The following MEIS2 variants were observed in gnomAD, a reference collection of about 807,000 sequenced individuals.
MEIS2 encodes Meis homeobox 2, also known as homeobox protein Meis2.
In MEIS2, 9 loss-of-function variants were observed where a neutral mutation model predicts 58.6. The ratio of observed to expected loss-of-function variants is 0.15; its 90% confidence interval spans 0.09 to 0.27. MEIS2 has a LOEUF of 0.27. Ranked by LOEUF, MEIS2 falls within the 10% of genes least tolerant of loss-of-function variation. The pLI is 1.00. For missense variants in MEIS2, 427 were observed against 635.0 expected (o/e 0.67, Z 3.52); for synonymous variants, 221 against 228.4 (o/e 0.97, Z 0.29).
intron 9 of MEIS2, among the ~76,000 whole-genome samples, chr15:36,928,217 G>T (rs1349627598): frequency 6.6e-6 from 1 of 152,162 alleles, no homozygotes; most frequent in African/African-American, 2.4e-5. Flanking sequence ...TGTGCTATCT[G>T]TTAAATAATG....
chr15:37,055,354 T>G (rs897135564), intron 7 of MEIS2, among the ~76,000 whole-genome samples: 1 of 152,200 alleles, frequency 6.6e-6, no homozygotes, highest in Non-Finnish European at 1.5e-5. Flanking sequence ...GCCTGGCACA[T>G]CATAGGCACT....
At chr15:36,985,521 G>A (rs2060066602) in intron 8 of MEIS2, among the ~76,000 whole-genome samples, 1 of 152,066 alleles carries the variant, frequency 6.6e-6, no homozygotes, top group African/African-American at 2.4e-5. Context: ...GCATCCTCAG[G>A]TGTGTTATTT....
Position 37,100,530 on chromosome 15 carries a change from C to G in MEIS2, c.-1064G>C, listed in dbSNP as rs909719849. 9.5e-5 allele frequency: 13 copies of G among 136,610 alleles called. No homozygotes were observed. The highest frequency in any genetic ancestry group is 3.4e-4 in the African/African-American group (12 of 35,634). The allele number at this position is 136,610 out of a possible 1,614,324, so 8.5% of individuals were successfully genotyped here. On this transcript the variant is annotated 5_prime_UTR_variant, in exon 1 of 12. Coordinates refer to ENST00000561208, the MANE Select transcript of MEIS2 (RefSeq NM_170675.5). ...CGAGGAGGAGCGCGCCGCGCCGAGC[C>G]TCTGATATGCAACGAGTGCGATCGG...
At chr15:37,063,353 A>G (rs778545928) in intron 7 of MEIS2, among the ~76,000 whole-genome samples, 3 of 152,176 alleles carry the variant, frequency 2.0e-5, no homozygotes, top group Non-Finnish European at 2.9e-5. Context: ...ACATCATTTG[A>G]CAACTTTTCT....
At chr15:36,963,235 C>G (rs972947117) in intron 8 of MEIS2, among the ~76,000 whole-genome samples, 1 of 152,104 alleles carries the variant, frequency 6.6e-6, no homozygotes, top group Non-Finnish European at 1.5e-5. Context: ...AAAAATTTAG[C>G]CGGGCATGGT....
intron 8 of MEIS2, among the ~76,000 whole-genome samples, chr15:36,988,732 T>A (rs1448110358): frequency 3.9e-5 from 6 of 152,210 alleles, no homozygotes; most frequent in Non-Finnish European, 8.8e-5. Context: ...AAGATAACTC[T>A]TTTCTGTCTC....
At chr15:36,999,693 C>G (rs1376574440) in intron 8 of MEIS2, among the ~76,000 whole-genome samples, 1 of 152,204 alleles carries the variant, frequency 6.6e-6, no homozygotes, top group African/African-American at 2.4e-5. Flanking sequence ...CAAACACCTA[C>G]AGAATTTGCT....
intron 9 of MEIS2, among the ~76,000 whole-genome samples, chr15:36,944,801 G>A (rs1309892975): frequency 6.6e-6 from 1 of 152,020 alleles, no homozygotes; most frequent in Non-Finnish European, 1.5e-5. Flanking sequence ...AGCAGAGAGA[G>A]GATATTTAGT....
intron 11 of MEIS2, among the ~76,000 whole-genome samples, 163 bp from the exon 12 acceptor site, chr15:36,892,622 T>G (rs1255464973): frequency 6.6e-6 from 1 of 151,828 alleles, no homozygotes; most frequent in Non-Finnish European, 1.5e-5. Flanking sequence ...ACATTCAAAT[T>G]GTAGTTTGCA....
intron 7 of MEIS2, among the ~76,000 whole-genome samples, chr15:37,053,461 A>G (rs934030925): frequency 6.6e-6 from 1 of 152,024 alleles, no homozygotes; most frequent in Non-Finnish European, 1.5e-5. Context: ...ACTATTCCTA[A>G]CAGAGGGTCT....
In MEIS2 at chr15:37,099,728, C is replaced by T. The variant is rs1159587225; in HGVS notation, c.-262G>A. On this transcript the variant is annotated 5_prime_UTR_variant, in exon 1 of 12. Transcript: ENST00000561208. ...TGATCTTCCTCCTCCTCCTCCACCT[C>T]CTCCTCCTCCCCCCTCCCCTCCTCC... 6 of 421,276 alleles carry T rather than the reference C, an allele frequency of 1.4e-5. No individual in the cohort carries two copies. The Admixed American group carries it at 2.5e-4, about 18-fold the overall frequency. 26.1% of individuals were successfully genotyped at this position (421,276 alleles called of 1,614,324 possible).
chr15:37,085,166 C>T (rs190671177), intron 6 of MEIS2, among the ~76,000 whole-genome samples: 2 of 151,724 alleles, frequency 1.3e-5, no homozygotes, highest in Non-Finnish European at 2.9e-5. Flanking sequence ...ACTAAAAAAA[C>T]CAATCAAAAT....
chr15:37,041,932 T>A (rs186200302), intron 7 of MEIS2, among the ~76,000 whole-genome samples: 2 of 152,232 alleles, frequency 1.3e-5, no homozygotes, highest in African/African-American at 4.8e-5. Flanking sequence ...ATCCCAGCAC[T>A]TTGAGAGGCC....
chr15:37,088,014 A>T (rs776630006), intron 6 of MEIS2, among the ~76,000 whole-genome samples: 1 of 152,184 alleles, frequency 6.6e-6, no homozygotes, highest in Non-Finnish European at 1.5e-5. Context: ...TTAGATCCCA[A>T]ATGAAAAGGC....
In MEIS2 at chr15:37,083,825, C is replaced by T; in HGVS notation, c.700G>A (p.Gly234Arg). 3 of 1,614,056 alleles carry T rather than the reference C, an allele frequency of 1.9e-6. No individual in the cohort carries two copies. The highest frequency in any genetic ancestry group is 2.5e-6 in the Non-Finnish European group (3 of 1,179,970). The change falls in exon 7 of 12, where the codon GGG becomes AGG. Residue 234 changes from glycine (G) to arginine (R), a missense_variant. This residue lies in a region of MEIS2 where 138 missense variants were observed against 263.0 expected (regional missense o/e 0.52). Transcript: ENST00000561208. Reference protein sequence around the residue: ...ATSTHSAGTPGPSSGGHASQS... With the variant: ...ATSTHSAGTPRPSSGGHASQS... ...GAAGCATGGCCCCCACTGGAGGGCC[C>T]TGGGGTGCCTGCTGAGTGGGTTGAG...
chr15:36,910,020 T>G (rs1311741928), intron 9 of MEIS2, among the ~76,000 whole-genome samples: 1 of 152,030 alleles, frequency 6.6e-6, no homozygotes, highest in African/African-American at 2.4e-5. Flanking sequence ...CTGGGCAACA[T>G]GATGAAGCCC....
intron 7 of MEIS2, among the ~76,000 whole-genome samples, chr15:37,057,069 A>G (rs1888532523): frequency 1.3e-5 from 2 of 152,106 alleles, no homozygotes; most frequent in South Asian, 4.2e-4. Context: ...TCATGAGGAA[A>G]CTCCCCGGGT....
At chr15:37,074,975 A>G (rs1245889150) in intron 7 of MEIS2, among the ~76,000 whole-genome samples, 3 of 152,014 alleles carry the variant, frequency 2.0e-5, no homozygotes, top group African/African-American at 7.2e-5. Flanking sequence ...GAAAATCTGG[A>G]GGACATGTGT....
intron 1 of MEIS2, chr15:37,099,068 C>G (rs944483170): frequency 1.0e-6 from 1 of 985,982 alleles, no homozygotes; most frequent in Non-Finnish European, 1.2e-6. Flanking sequence ...CCGAGCCGCG[C>G]GAGCCACGGC....
Sources: allele counts gnomAD v4.1 joint callset (sites outside exome capture counted in the v4.1 genomes callset), GRCh38; gene constraint gnomAD v4.1.1; regional missense constraint gnomAD v4.1.1; transcripts MANE v1.5; gene names NCBI Gene and HGNC (gene_info 2026-07-23, HGNC 2026-07-21).